The following TFEC variants were observed in gnomAD, a reference collection of about 807,000 sequenced individuals.
The protein encoded by TFEC is class E basic helix-loop-helix protein 34.
TFEC carries 31 observed loss-of-function variants against 41.6 expected under a neutral mutation model. The observed-to-expected ratio is 0.74, with a 90% CI of 0.56 to 1.01. The LOEUF is 1.01. Among genes scored for constraint, TFEC ranks in the 50% least tolerant of loss-of-function variants. TFEC has a pLI of 0.00. For missense variants in TFEC, 402 were observed against 404.1 expected (o/e 0.99, Z 0.04); for synonymous variants, 143 against 140.6 (o/e 1.02, Z -0.12).
At chr7:116,013,054 A>C (rs1046268576) in intron 1 of TFEC, among the ~76,000 whole-genome samples, 1 of 152,118 alleles carries the variant, frequency 6.6e-6, no homozygotes, top group African/African-American at 2.4e-5. Flanking sequence ...AATCTAATTG[A>C]AAATGAGACT....
At chr7:116,054,427 A>G (rs1294503620) in intron 3 of TFEC, among the ~76,000 whole-genome samples, 6 of 152,148 alleles carry the variant, frequency 3.9e-5, no homozygotes, top group African/African-American at 1.4e-4. Flanking sequence ...AGGAAAAGAG[A>G]TCAAAGAAGA....
chr7:116,130,045 AACACACAC>A lies in TFEC; in HGVS notation c.-68-18015_-68-18008del, dbSNP rs56872188. ...ATATTCCTGCCACCAAACATGCAAG[AACACACAC>A]ACACACACACACACACACACACACA... is the stretch of plus-strand genomic sequence containing the variant. On this transcript the variant is annotated intron_variant, in intron 1 of 8. Coordinates refer to the TFEC transcript ENST00000484212. Among the ~76,000 whole-genome samples the A allele has an allele frequency of 3.2e-3, 452 of 142,212 alleles. 1 individual carries two copies. The highest frequency in any genetic ancestry group is 5.3e-3 in the African/African-American group (202 of 37,982). The allele number at this position is 142,212 out of a possible 152,430, so 93.3% of individuals were successfully genotyped here.
At chr7:116,128,128 C>A (rs1416998511) in intron 1 of TFEC, among the ~76,000 whole-genome samples, 1 of 152,150 alleles carries the variant, frequency 6.6e-6, no homozygotes, top group East Asian at 1.9e-4. Flanking sequence ...GAAACTTGGG[C>A]ACACTAATTT....
chr7:115,995,896 A>G (rs987227495), intron 1 of TFEC, among the ~76,000 whole-genome samples: 8 of 152,200 alleles, frequency 5.3e-5, no homozygotes, highest in Admixed American at 1.3e-4. Flanking sequence ...GACCAGCCCT[A>G]CCCGGAGGGG....
chr7:116,023,548 T>C (rs563611031), intron 1 of TFEC, among the ~76,000 whole-genome samples: 7 of 152,240 alleles, frequency 4.6e-5, no homozygotes, highest in African/African-American at 1.4e-4. Flanking sequence ...CATGAATGAA[T>C]TGAACCTCTG....
At chr7:116,036,941 A>G (rs370242206) in intron 3 of TFEC, among the ~76,000 whole-genome samples, 2 of 152,094 alleles carry the variant, frequency 1.3e-5, no homozygotes, top group East Asian at 3.8e-4. Context: ...CTAAGGCAAC[A>G]GTTGATAATA....
At chr7:116,150,178 T>G (rs1240796921) in intron 1 of TFEC, among the ~76,000 whole-genome samples, 1 of 152,158 alleles carries the variant, frequency 6.6e-6, no homozygotes, top group Non-Finnish European at 1.5e-5. Flanking sequence ...GTTGTTATGC[T>G]TTGTTTGCTT....
rs73448518 is a variant in TFEC, at chr7:116,144,395, A to G, written c.-69+15395T>C. Among the ~76,000 whole-genome samples the G allele has an allele frequency of 4.1e-3, 631 of 152,316 alleles. 5 individuals carry two copies. The highest frequency in any genetic ancestry group is 0.014 in the African/African-American group (589 of 41,562). On this transcript the variant is annotated intron_variant, in intron 1 of 8. Transcript: ENST00000484212. ...TCGGCAGGCAGTCCACTAAAATTTT[A>G]TAAGATTTGTGATTGTTAATTTTTT...
chr7:116,038,141 C>T (rs933059183), intron 3 of TFEC, among the ~76,000 whole-genome samples: 2 of 151,960 alleles, frequency 1.3e-5, no homozygotes, highest in Non-Finnish European at 2.9e-5. Flanking sequence ...TTTCTAGAAA[C>T]CTTTAAGGCA....
chr7:116,124,992 A>C (rs1181979983), intron 1 of TFEC, among the ~76,000 whole-genome samples: 1 of 152,214 alleles, frequency 6.6e-6, no homozygotes, highest in Non-Finnish European at 1.5e-5. Flanking sequence ...AAGAAACTAT[A>C]CCACATATTA....
rs759061132 is a variant in TFEC, at chr7:115,954,678, T to A, written c.383-36A>T. 12 of 1,573,904 alleles carry A rather than the reference T, an allele frequency of 7.6e-6. No homozygotes were observed. In the South Asian group the frequency reaches 1.2e-4, roughly 16 times the overall value. ...GAAAAATAATAAAAACCATGCTTAG[T>A]TCTACCTTAAAACCCCTCCAGGCAA... On this transcript the variant is annotated intron_variant, in intron 4 of 7. Coordinates refer to ENST00000265440, the MANE Select transcript of TFEC (RefSeq NM_012252.4).
chr7:116,140,721 T>C (rs1033053260), intron 1 of TFEC, among the ~76,000 whole-genome samples: 4 of 152,182 alleles, frequency 2.6e-5, no homozygotes, highest in Non-Finnish European at 4.4e-5. Context: ...CTATCTTCAA[T>C]TTTTGCCTTC....
intron 3 of TFEC, among the ~76,000 whole-genome samples, chr7:116,098,341 T>G (rs1455859090): frequency 6.6e-6 from 1 of 151,976 alleles, no homozygotes; most frequent in Non-Finnish European, 1.5e-5. Context: ...TCTATTTTAG[T>G]AGAGATGGGG....
intron 3 of TFEC, chr7:115,968,278 A>C: frequency 6.6e-7 from 1 of 1,523,700 alleles, no homozygotes; most frequent in Non-Finnish European, 8.8e-7. Flanking sequence ...TGCAAACAAT[A>C]ACCAAGAGAA....
Position 115,938,111 on chromosome 7 carries a change from C to A in TFEC, c.*2440G>T, listed in dbSNP as rs1045271848. 1 of 151,870 alleles carries A rather than the reference C, an allele frequency of 6.6e-6. No homozygotes were observed. The highest frequency in any genetic ancestry group is 1.9e-4 in the East Asian group (1 of 5,156). The allele number at this position is 151,870 out of a possible 1,614,324, so 9.4% of individuals were successfully genotyped here. On this transcript the variant is annotated 3_prime_UTR_variant, in exon 8 of 8. Transcript: ENST00000265440. ...ATCTCTTGTGTCCAGGCTCTATCAT[C>A]CTGTGCCAAGTCCTTATCTCAGCCA...
chr7:116,034,319 G>C (rs1795858400), upstream of TFEC, among the ~76,000 whole-genome samples: 1 of 151,914 alleles, frequency 6.6e-6, no homozygotes, highest in Non-Finnish European at 1.5e-5. Flanking sequence ...TTCCAGGCCT[G>C]ATATCTCTCT....
intron 1 of TFEC, among the ~76,000 whole-genome samples, chr7:115,992,628 C>T (rs1469760934): frequency 6.6e-6 from 1 of 152,108 alleles, no homozygotes; most frequent in Admixed American, 6.6e-5. Context: ...TTCCTGGATA[C>T]ATACAACCTC....
chr7:116,103,096 C>T (rs1421254100), intron 3 of TFEC, among the ~76,000 whole-genome samples: 1 of 152,076 alleles, frequency 6.6e-6, no homozygotes, highest in Non-Finnish European at 1.5e-5. Context: ...GAAAATAAGA[C>T]AGGCATGGTA....
At chr7:115,997,691 T>A (rs1167383100) in intron 1 of TFEC, among the ~76,000 whole-genome samples, 3 of 152,130 alleles carry the variant, frequency 2.0e-5, no homozygotes, top group Non-Finnish European at 4.4e-5. Context: ...TTGAAGAAAT[T>A]CAGTGAAATT....
Sources: gnomAD v4.1 joint callset for allele counts (sites outside exome capture counted in the v4.1 genomes callset) on GRCh38, gnomAD v4.1.1 for gene constraint, MANE v1.5 for transcripts, NCBI Gene and HGNC (gene_info 2026-07-23, HGNC 2026-07-21) for gene names.